Variants in APPL2 observed in about 807,000 individuals in gnomAD.
The protein encoded by APPL2 is adaptor protein, phosphotyrosine interacting with PH domain and leucine zipper 2.
APPL2 carries 84 observed loss-of-function variants against 92.7 expected under a neutral mutation model. That is an observed-to-expected ratio of 0.91 (90% CI 0.76 to 1.09). The LOEUF (loss-of-function observed/expected upper bound fraction) is 1.09, where lower values mean the gene tolerates loss of function less well. Among genes scored for constraint, APPL2 ranks in the 50% least tolerant of loss-of-function variants. APPL2 has a pLI of 0.00. For synonymous variants in APPL2, 291 were observed against 291.0 expected (o/e 1.00, Z 0.00); for missense variants, 736 against 824.5 (o/e 0.89, Z 1.31).
intron 11 of APPL2, 82 bp from the exon 12 acceptor site, chr12:105,195,709 GGGGTGT>G (rs1887581525): frequency 6.6e-7 from 1 of 1,511,596 alleles, no homozygotes; most frequent in Non-Finnish European, 9.1e-7. Flanking sequence ...GAACTTAGCT[GGGGTGT>G]GGGAGGAAAA....
chr12:105,183,070 C>CTTTTTTTTTTTTTTT (rs56345779), intron 17 of APPL2, among the ~76,000 whole-genome samples: 2 of 88,398 alleles, frequency 2.3e-5, no homozygotes, highest in African/African-American at 4.5e-5. Context: ...GCAACCCCTG[C>CTTTTTTTTTTTTTTT]TTTTTTTTTT....
chr12:105,176,774 A>G, intron 19 of APPL2, 102 bp downstream of exon 19: 5 of 1,427,570 alleles, frequency 3.5e-6, no homozygotes, highest in Non-Finnish European at 3.8e-6. Context: ...GGAGACATGC[A>G]GAATAATCAA....
At chr12:105,203,152 G>A (rs1277411932) in intron 9 of APPL2, among the ~76,000 whole-genome samples, 1 of 152,232 alleles carries the variant, frequency 6.6e-6, no homozygotes, top group Non-Finnish European at 1.5e-5. Context: ...GGCTGCAGGG[G>A]CCGGGGCCCC....
intron 4 of APPL2, among the ~76,000 whole-genome samples, chr12:105,212,883 C>T (rs150539404): frequency 2.0e-5 from 3 of 152,276 alleles, no homozygotes; most frequent in East Asian, 3.9e-4. Context: ...AAGGAAGCAC[C>T]GGGGCAAACT....
chr12:105,204,235 GGTAACA>G (rs1888499627), intron 8 of APPL2, among the ~76,000 whole-genome samples: 1 of 152,168 alleles, frequency 6.6e-6, no homozygotes. Context: ...CTGGTTGGGA[GGTAACA>G]GTAACAGTTG....
At position 105,195,353 on chromosome 12, in the gene APPL2, A is replaced by C. The variant is rs1290318651; in HGVS notation, c.1153-4T>G. ...GATTCAACTTGATCGCGACTGCCTA[A>C]AAATCCACAGGAAGACACACTCAGT... On this transcript the variant is annotated splice_polypyrimidine_tract_variant and splice_region_variant and intron_variant, in intron 13 of 20. Coordinates refer to ENST00000258530, the MANE Select transcript of APPL2 (RefSeq NM_018171.5). 6.2e-7 allele frequency: 1 copy of C among 1,614,182 alleles called. No homozygotes were observed. Among genetic ancestry groups the C allele is most frequent in the Non-Finnish European group, 8.5e-7 (1 of 1,180,024 alleles).
intron 3 of APPL2, among the ~76,000 whole-genome samples, 189 bp downstream of exon 3, chr12:105,217,477 T>C (rs995203703): frequency 2.0e-5 from 3 of 152,224 alleles, no homozygotes; most frequent in Non-Finnish European, 4.4e-5. Context: ...AGAGGCTAAT[T>C]AGAATACCTC....
At chr12:105,222,770 T>C (rs1350709803) in intron 2 of APPL2, among the ~76,000 whole-genome samples, 1 of 152,198 alleles carries the variant, frequency 6.6e-6, no homozygotes, top group Non-Finnish European at 1.5e-5. Flanking sequence ...TCATTATGTC[T>C]TAAGTGCTCT....
rs1263445276 is a variant in APPL2, at chr12:105,213,961, C to T, written c.286-2644G>A. The stretch of plus-strand genomic sequence containing the variant: ...CAGCACTTTGGGAGGCTGAGGCGGG[C>T]AGATCACTGACGTCAGGAGTTCAAG... On this transcript the variant is annotated intron_variant, in intron 4 of 20. Coordinates refer to ENST00000258530, the MANE Select transcript of APPL2 (RefSeq NM_018171.5). 5.9e-5 allele frequency among the ~76,000 whole-genome samples: 9 copies of T among 152,066 alleles called. No homozygotes were observed. In the East Asian group the frequency reaches 1.7e-3, roughly 30 times the overall value.
At position 105,211,335 on chromosome 12, in the gene APPL2, G is replaced by C. The variant is rs760785531; in HGVS notation, c.286-18C>G. The C allele has an allele frequency of 6.5e-7, 1 of 1,539,386 alleles. No individual in the cohort carries two copies. Among genetic ancestry groups the C allele is most frequent in the Non-Finnish European group, 9.0e-7 (1 of 1,113,010 alleles). ...AGATTAAGCTGAAAGAAAGAGAATG[G>C]TATTCAAGTAAATTAAATACATTAT... is the stretch of plus-strand genomic sequence containing the variant. On this transcript the variant is annotated intron_variant, in intron 4 of 20. Transcript: ENST00000258530.
chr12:105,188,022 T>C (rs1886882864), intron 17 of APPL2, among the ~76,000 whole-genome samples: 1 of 151,982 alleles, frequency 6.6e-6, no homozygotes, highest in East Asian at 1.9e-4. Context: ...TGAGCTATAA[T>C]ATAGAGAATA....
At chr12:105,211,789 C>G (rs550545319) in intron 4 of APPL2, among the ~76,000 whole-genome samples, 1 of 152,336 alleles carries the variant, frequency 6.6e-6, no homozygotes, top group South Asian at 2.1e-4. Context: ...CTGAAAACCA[C>G]GGCCAGCTAT....
intron 1 of APPL2, 93 bp from the exon 2 acceptor site, chr12:105,229,316 C>T: frequency 8.5e-7 from 1 of 1,178,374 alleles, no homozygotes. Context: ...ATGCAGAAAC[C>T]AGAATGCGAG....
chr12:105,214,939 T>C (rs1179582191), intron 4 of APPL2, among the ~76,000 whole-genome samples: 1 of 152,138 alleles, frequency 6.6e-6, no homozygotes, highest in Admixed American at 6.5e-5. Context: ...TCCAGGTCAT[T>C]AAAACACCTG....
At chr12:105,214,202 A>T (rs761179313) in intron 4 of APPL2, among the ~76,000 whole-genome samples, 2 of 152,224 alleles carry the variant, frequency 1.3e-5, no homozygotes, top group Admixed American at 6.5e-5. Flanking sequence ...ATAAAAAAAT[A>T]AAAACCATAC....
At chr12:105,188,097 C>T in intron 17 of APPL2, among the ~76,000 whole-genome samples, 176 bp downstream of exon 17, 1 of 152,050 alleles carries the variant, frequency 6.6e-6, no homozygotes, top group East Asian at 1.9e-4. Context: ...TTGAAGATAC[C>T]AGTTCTTGTC....
chr12:105,188,256 A>G lies in APPL2; in HGVS notation c.1634+17T>C. ...AGCTGAAGCCATAAGAAAGTCTGAA[A>G]ATAAAACTGAACGTACCTCAAAGAT... On this transcript the variant is annotated intron_variant, in intron 17 of 20. Coordinates refer to ENST00000258530, the MANE Select transcript of APPL2 (RefSeq NM_018171.5). The G allele has an allele frequency of 6.2e-7, 1 of 1,613,184 alleles. No homozygotes were observed. The highest frequency in any genetic ancestry group is 8.5e-7 in the Non-Finnish European group (1 of 1,179,330).
At chr12:105,202,275 G>A (rs1221123041) in intron 9 of APPL2, among the ~76,000 whole-genome samples, 1 of 152,268 alleles carries the variant, frequency 6.6e-6, no homozygotes, top group African/African-American at 2.4e-5. Context: ...AGACCCTGAC[G>A]TTAATGCCCG....
chr12:105,196,209 G>A (rs1334077416), intron 11 of APPL2, among the ~76,000 whole-genome samples: 1 of 151,964 alleles, frequency 6.6e-6, no homozygotes, highest in Non-Finnish European at 1.5e-5. Context: ...GGATCTTCTA[G>A]CCCAAATCTG....
Sources: allele counts gnomAD v4.1 joint callset (sites outside exome capture counted in the v4.1 genomes callset), GRCh38; gene constraint gnomAD v4.1.1; transcripts MANE v1.5; gene names NCBI Gene and HGNC (gene_info 2026-07-23, HGNC 2026-07-21).